KIF1B: variants seen among roughly 807,000 people sequenced by gnomAD.
The protein encoded by KIF1B is kinesin family member 1B.
In KIF1B, 76 loss-of-function variants were observed where a neutral mutation model predicts 241.9. That is an observed-to-expected ratio of 0.31 (90% confidence interval 0.26 to 0.38). The LOEUF (loss-of-function observed/expected upper bound fraction) is 0.38, where lower values mean the gene tolerates loss of function less well. KIF1B is among the 10% of genes least tolerant of loss of function. The probability of loss-of-function intolerance (pLI) is 1.00; values close to 1 mark genes in which losing one functional copy is unlikely to be tolerated. For missense variants in KIF1B, 1,622 were observed against 2,271.4 expected (o/e 0.71, Z 5.81); for synonymous variants, 750 against 796.7 (o/e 0.94, Z 0.99).
At chr1:10,361,937 C>A in intron 40 of KIF1B, 112 bp downstream of exon 40, 2 of 1,309,802 alleles carry the variant, frequency 1.5e-6, no homozygotes, top group Non-Finnish European at 2.2e-6. Flanking sequence ...GTTTATGAAC[C>A]ATTTTGGTAA....
At chr1:10,356,139 G>A (rs939375261) in intron 38 of KIF1B, among the ~76,000 whole-genome samples, 3 of 152,028 alleles carry the variant, frequency 2.0e-5, no homozygotes, top group African/African-American at 4.8e-5. Flanking sequence ...AGGCCAAGGC[G>A]GGTGGATCAC....
chr1:10,217,173 C>T (rs1261665039), intron 1 of KIF1B, among the ~76,000 whole-genome samples: 1 of 150,902 alleles, frequency 6.6e-6, no homozygotes, highest in African/African-American at 2.4e-5. Flanking sequence ...GGGGTTTCAC[C>T]GTGTTGGCCA....
chr1:10,319,026 G>T (rs1477118197), intron 22 of KIF1B, among the ~76,000 whole-genome samples: 1 of 151,786 alleles, frequency 6.6e-6, no homozygotes, highest in Non-Finnish European at 1.5e-5. Flanking sequence ...CCCCTTTGGG[G>T]TGATATTACC....
At chr1:10,254,486 C>A (rs1275689566) in intron 2 of KIF1B, among the ~76,000 whole-genome samples, 1 of 152,144 alleles carries the variant, frequency 6.6e-6, no homozygotes, top group African/African-American at 2.4e-5. Context: ...TAATCATTTA[C>A]ATACTTGTCA....
chr1:10,301,393 C>T (rs904684295), intron 22 of KIF1B, among the ~76,000 whole-genome samples: 14 of 151,716 alleles, frequency 9.2e-5, no homozygotes, highest in African/African-American at 2.9e-4. Flanking sequence ...AGGCTGGGTG[C>T]GGTGGCTCAC....
chr1:10,337,379 T>G lies in KIF1B; in HGVS notation c.3268T>G (p.Ser1090Ala). 1 of 1,614,222 alleles carries G rather than the reference T, an allele frequency of 6.2e-7. No individual in the cohort carries two copies. The highest frequency in any genetic ancestry group is 8.5e-7 in the Non-Finnish European group (1 of 1,180,032). Residue 1090 changes from serine (S) to alanine (A), a missense_variant, in exon 31 of 49, where the codon TCA becomes GCA. Transcript: ENST00000676179. The surrounding 1 kb of genome is among the most constrained non-coding windows in gnomAD (Gnocchi z 4.0). ...ISRINDLDLK[S>A]STLLDGKMVM... Reference sequence around the variant, plus strand: ...CATTTGACCCTCTTTAGATTTGAAGTCAAGCACTTTGCTGGATGGTAAGAT... The same window carrying G: ...CATTTGACCCTCTTTAGATTTGAAGGCAAGCACTTTGCTGGATGGTAAGAT...
chr1:10,275,287 T>G (rs1167657505), intron 10 of KIF1B, 141 bp from the exon 11 acceptor site: 3 of 639,750 alleles, frequency 4.7e-6, no homozygotes, highest in Non-Finnish European at 8.4e-6. Context: ...TGTGAAGAAT[T>G]GAAACTATGA....
chr1:10,237,674 A>G (rs1029698660), intron 2 of KIF1B, among the ~76,000 whole-genome samples: 4 of 152,140 alleles, frequency 2.6e-5, no homozygotes, highest in Admixed American at 6.6e-5. Flanking sequence ...AATGCCGCAC[A>G]GCGTAACTGA....
intron 13 of KIF1B, chr1:10,278,529 G>A (rs375434010): frequency 2.1e-5 from 5 of 237,928 alleles, no homozygotes; most frequent in East Asian, 1.2e-4. Context: ...GATTAGTGTC[G>A]TGGCAGTAAT....
intron 5 of KIF1B, among the ~76,000 whole-genome samples, chr1:10,264,872 A>G (rs1273621719): frequency 6.6e-6 from 1 of 152,194 alleles, no homozygotes; most frequent in East Asian, 1.9e-4. Flanking sequence ...CATGTTGGCC[A>G]GGCTGGTCTC....
At chr1:10,353,975 G>A (rs1449209809) in intron 38 of KIF1B, among the ~76,000 whole-genome samples, 1 of 152,194 alleles carries the variant, frequency 6.6e-6, no homozygotes, top group Non-Finnish European at 1.5e-5. Context: ...TATGAAAAAT[G>A]TATTGTAAAT....
intron 33 of KIF1B, among the ~76,000 whole-genome samples, chr1:10,342,495 A>C (rs1557725796): frequency 6.6e-6 from 1 of 152,242 alleles, no homozygotes; most frequent in Non-Finnish European, 1.5e-5. Flanking sequence ...TATGAAACAG[A>C]AGCTCTAAGT....
At chr1:10,234,093 G>A (rs781514992) in intron 2 of KIF1B, among the ~76,000 whole-genome samples, 4 of 152,120 alleles carry the variant, frequency 2.6e-5, no homozygotes, top group Non-Finnish European at 4.4e-5. Flanking sequence ...GGAATAGGCC[G>A]AGTGGCTCTG....
chr1:10,237,449 A>G (rs180880690), intron 2 of KIF1B, among the ~76,000 whole-genome samples: 1 of 152,198 alleles, frequency 6.6e-6, no homozygotes, highest in Admixed American at 6.5e-5. Context: ...AAGTGACTGA[A>G]CTGTGATATT....
intron 38 of KIF1B, among the ~76,000 whole-genome samples, chr1:10,356,855 G>A (rs1395323198): frequency 6.6e-6 from 1 of 152,004 alleles, no homozygotes; most frequent in South Asian, 2.1e-4. Context: ...AGCCAAGATC[G>A]TGCCACTACA....
At chr1:10,236,364 G>A (rs1308643041) in intron 2 of KIF1B, among the ~76,000 whole-genome samples, 2 of 152,148 alleles carry the variant, frequency 1.3e-5, no homozygotes, top group Non-Finnish European at 2.9e-5. Context: ...CAGCTTATTA[G>A]TGGCAGTGTT....
At chr1:10,268,987 T>G (rs1648631958) in intron 7 of KIF1B, among the ~76,000 whole-genome samples, 1 of 152,226 alleles carries the variant, frequency 6.6e-6, no homozygotes, top group Non-Finnish European at 1.5e-5. Context: ...CACTCAATAA[T>G]GTTAATTTTA....
intron 2 of KIF1B, among the ~76,000 whole-genome samples, chr1:10,233,889 G>A (rs566897206): frequency 3.3e-5 from 5 of 151,930 alleles, no homozygotes; most frequent in Non-Finnish European, 7.4e-5. Context: ...TGATCCACCC[G>A]CCTCGGCCTC....
intron 38 of KIF1B, among the ~76,000 whole-genome samples, chr1:10,354,544 C>T (rs1435285559): frequency 2.6e-5 from 4 of 152,182 alleles, no homozygotes; most frequent in Non-Finnish European, 5.9e-5. Flanking sequence ...TTAAACAACT[C>T]ACCATTTTCT....
Sources: gnomAD v4.1 joint callset for allele counts (sites outside exome capture counted in the v4.1 genomes callset) on GRCh38, gnomAD v4.1.1 for gene constraint, Gnocchi (gnomAD v3.1) non-coding constraint, MANE v1.5 for transcripts, NCBI Gene and HGNC (gene_info 2026-07-23, HGNC 2026-07-21) for gene names.